AP3D1: variants seen among roughly 807,000 people sequenced by gnomAD.
AP3D1 encodes the protein adaptor related protein complex 3 subunit delta 1.
Under a neutral mutation model 147.6 loss-of-function variants are expected in AP3D1, and 51 were observed. The ratio of observed to expected loss-of-function variants is 0.35; its 90% CI spans 0.28 to 0.44. AP3D1 has a LOEUF of 0.44. Among genes scored for constraint, AP3D1 ranks in the 20% least tolerant of loss-of-function variants. The pLI is 1.00. For synonymous variants in AP3D1, 760 were observed against 663.0 expected (o/e 1.15, Z -2.25); for missense variants, 1,421 against 1,624.2 (o/e 0.87, Z 2.15).
chr19:2,140,397 C>T (rs540617945), intron 1 of AP3D1, among the ~76,000 whole-genome samples: 21 of 152,210 alleles, frequency 1.4e-4, no homozygotes, highest in African/African-American at 5.1e-4. Context: ...TTCTAGTGGC[C>T]TGAAACAGGA....
At chr19:2,131,107 G>A (rs527924315) in intron 5 of AP3D1, among the ~76,000 whole-genome samples, 2 of 152,218 alleles carry the variant, frequency 1.3e-5, no homozygotes, top group African/African-American at 2.4e-5. Context: ...CCACACAGCT[G>A]TGCCTTCACA....
intron 1 of AP3D1, among the ~76,000 whole-genome samples, chr19:2,160,182 A>G (rs1294483869): frequency 6.6e-6 from 1 of 152,206 alleles, no homozygotes; most frequent in Non-Finnish European, 1.5e-5. Flanking sequence ...TCAAACCTGT[A>G]ACAGGAACTA....
chr19:2,155,275 AG>A (rs2019635593), upstream of AP3D1, among the ~76,000 whole-genome samples: 1 of 150,592 alleles, frequency 6.6e-6, no homozygotes. Flanking sequence ...GCAGGAGAAT[AG>A]CTTGAACCCA....
intron 1 of AP3D1, among the ~76,000 whole-genome samples, chr19:2,163,846 G>A (rs564758415): frequency 6.7e-6 from 1 of 150,332 alleles, no homozygotes; most frequent in Non-Finnish European, 1.5e-5. Flanking sequence ...GCGCGGGTCG[G>A]CCCGCTGGGC....
intron 15 of AP3D1, among the ~76,000 whole-genome samples, chr19:2,117,620 C>T (rs190429044): frequency 9.1e-4 from 138 of 152,372 alleles, no homozygotes; most frequent in African/African-American, 3.2e-3. Context: ...TGCAGAAATG[C>T]CTCCCATCAG....
At chr19:2,162,798 C>T (rs1052865392) in intron 1 of AP3D1, among the ~76,000 whole-genome samples, 10 of 152,098 alleles carry the variant, frequency 6.6e-5, no homozygotes, top group South Asian at 6.2e-4. Flanking sequence ...AGGAAAGCAT[C>T]GGAGGTCAAG....
intron 1 of AP3D1, among the ~76,000 whole-genome samples, chr19:2,144,463 A>G (rs1173772208): frequency 1.3e-5 from 2 of 152,180 alleles, no homozygotes. Flanking sequence ...AACACGCAAC[A>G]GGGCAGAAAC....
chr19:2,123,486 T>A, intron 10 of AP3D1, 80 bp from the exon 11 acceptor site: 1 of 1,487,154 alleles, frequency 6.7e-7, no homozygotes, highest in African/African-American at 1.4e-5. Context: ...AGATTCAACC[T>A]CAACCTGGCC....
chr19:2,132,792 C>A (rs1411842811), intron 4 of AP3D1, among the ~76,000 whole-genome samples: 3 of 152,164 alleles, frequency 2.0e-5, no homozygotes, highest in Admixed American at 2.0e-4. Context: ...ATGGGAGACT[C>A]TGTCACCAAG....
chr19:2,115,130 C>CCA (rs1410335106), intron 20 of AP3D1, 89 bp downstream of exon 20: 2 of 1,376,594 alleles, frequency 1.5e-6, no homozygotes, highest in East Asian at 4.6e-5. Context: ...CCAACGAAGA[C>CCA]CATGGGGAGA....
rs551310340 is a variant in AP3D1, at chr19:2,101,010, T to C, written c.*1163A>G. ...ATGTGGAAATGCCTGTTTTACAACT[T>C]TATTGGATCATCTTGACACAAAATC... On this transcript the variant is annotated 3_prime_UTR_variant, in exon 32 of 32. Transcript: ENST00000643116. 1 of 152,516 alleles carries C rather than the reference T, an allele frequency of 6.6e-6. No homozygotes were observed. Among genetic ancestry groups the C allele is most frequent in the Non-Finnish European group, 1.5e-5 (1 of 68,018 alleles). 9.4% of individuals were successfully genotyped at this position (152,516 alleles called of 1,614,324 possible). A position where few individuals can be genotyped will look rare whatever the true frequency, so the allele number is the denominator to read the frequency against.
At chr19:2,107,209 G>A (rs959974798) in intron 31 of AP3D1, among the ~76,000 whole-genome samples, 5 of 151,218 alleles carry the variant, frequency 3.3e-5, no homozygotes, top group Admixed American at 1.3e-4. Flanking sequence ...GCAGTGAGCC[G>A]AGACCGCGCC....
chr19:2,102,707 G>A (rs897678675), intron 31 of AP3D1, among the ~76,000 whole-genome samples: 8 of 149,580 alleles, frequency 5.3e-5, no homozygotes, highest in South Asian at 2.1e-4. Flanking sequence ...CAGCCTGGGC[G>A]ACACAGCGAG....
intron 9 of AP3D1, among the ~76,000 whole-genome samples, chr19:2,125,260 G>T (rs749762856): frequency 1.3e-5 from 2 of 152,178 alleles, no homozygotes; most frequent in Non-Finnish European, 2.9e-5. Context: ...ATTCACGCAT[G>T]CAAGATTTCA....
At chr19:2,158,898 G>T (rs989214904) in intron 1 of AP3D1, among the ~76,000 whole-genome samples, 7 of 152,174 alleles carry the variant, frequency 4.6e-5, no homozygotes, top group African/African-American at 1.7e-4. Flanking sequence ...CCCAAAATTA[G>T]TTTGGCCTGA....
chr19:2,157,436 C>T (rs373751373), intron 1 of AP3D1, among the ~76,000 whole-genome samples: 4,779 of 61,588 alleles, frequency 0.078, 137 homozygotes, highest in East Asian at 0.21. Context: ...AGCGAGACTC[C>T]GTCTCAAAAA....
Position 2,115,519 on chromosome 19 carries a change from A to G in AP3D1, c.2149+19T>C. On this transcript the variant is annotated intron_variant, in intron 19 of 31. Transcript: ENST00000643116. ...AGCCCATGTGACAAATGCGGCGCCG[A>G]CACACCGGAGACACTTGCCTGGAAC... 1 of 1,612,198 alleles carries G rather than the reference A, an allele frequency of 6.2e-7. No homozygotes were observed. Among genetic ancestry groups the G allele is most frequent in the Non-Finnish European group, 8.5e-7 (1 of 1,179,288 alleles).
intron 31 of AP3D1, among the ~76,000 whole-genome samples, chr19:2,104,447 CACCCAGACCCCAACGCCAAGACACCAAT>C (rs1321871987): frequency 6.6e-6 from 1 of 151,402 alleles, no homozygotes; most frequent in Non-Finnish European, 1.5e-5. Flanking sequence ...AAGATGCCAA[CACCCAGACCCCAACGCCAAGACACCAAT>C]GCCCAGACCC....
In AP3D1 at chr19:2,157,448, A is replaced by AAAAAAAAAG. The variant is rs1555711635; in HGVS notation, c.-103+6907_-103+6908insCTTTTTTTT. 2.3e-4 allele frequency among the ~76,000 whole-genome samples: 18 copies of AAAAAAAAAG among 77,544 alleles called. 1 individual carries two copies. Among genetic ancestry groups the AAAAAAAAAG allele is most frequent in the African/African-American group, 4.8e-4 (16 of 33,422 alleles). The allele number at this position is 77,544 out of a possible 152,430, so 50.9% of individuals were successfully genotyped here. A position where few individuals can be genotyped will look rare whatever the true frequency, so the allele number is the denominator to read the frequency against. On this transcript the variant is annotated intron_variant, in intron 1 of 14. Transcript: ENST00000643010. The stretch of plus-strand genomic sequence containing the variant: ...CAGAGCGAGACTCCGTCTCAAAAAA[A>AAAAAAAAAG]AAAAAAAAAAAAGAAAAAAACAAAC...
Sources: allele counts gnomAD v4.1 joint callset (sites outside exome capture counted in the v4.1 genomes callset), GRCh38; gene constraint gnomAD v4.1.1; transcripts MANE v1.5; gene names NCBI Gene and HGNC (gene_info 2026-07-23, HGNC 2026-07-21).